ZNF763: variants seen among roughly 807,000 people sequenced by gnomAD.
The protein encoded by ZNF763 is DNA-binding protein.
A neutral mutation model predicts 38.0 loss-of-function variants in ZNF763; 33 were observed. The ratio of observed to expected loss-of-function variants is 0.87; its 90% confidence interval spans 0.66 to 1.16. The LOEUF is 1.16. ZNF763 is among the 50% of genes most tolerant of loss of function. The probability of loss-of-function intolerance (pLI) is 0.00; values close to 1 mark genes in which losing one functional copy is unlikely to be tolerated. For missense variants in ZNF763, 423 were observed against 469.1 expected (o/e 0.90, Z 0.91); for synonymous variants, 155 against 160.1 (o/e 0.97, Z 0.24).
intron 1 of ZNF763, among the ~76,000 whole-genome samples, chr19:11,966,085 G>T (rs1436048253): frequency 6.6e-6 from 1 of 152,188 alleles, no homozygotes; most frequent in African/African-American, 2.4e-5. Context: ...CCTGTTTCTC[G>T]AGATTTTATG....
chr19:11,977,334 A>G (rs1159702835), intron 2 of ZNF763, 37 bp from the exon 3 acceptor site: 2 of 1,610,066 alleles, frequency 1.2e-6, no homozygotes, highest in Non-Finnish European at 1.7e-6. Flanking sequence ...ACAGTTTTAT[A>G]TTGCTTCAGG....
In ZNF763 at chr19:11,977,184, T is replaced by G. The variant is rs762555379; in HGVS notation, c.130+20T>G. On this transcript the variant is annotated intron_variant, in intron 2 of 3. Transcript: ENST00000358987. ...CTATAGGTAAGGATGACAATATTCC[T>G]TCCCTCAGTCCATTAGTGAACCAGT... 2 of 1,613,684 alleles carry G rather than the reference T, an allele frequency of 1.2e-6. No individual in the cohort carries two copies. Among genetic ancestry groups the G allele is most frequent in the Non-Finnish European group, 8.5e-7 (1 of 1,179,852 alleles).
In ZNF763 at chr19:11,978,654, C is replaced by A; in HGVS notation, c.730C>A (p.Arg244=). 6.2e-7 allele frequency: 1 copy of A among 1,614,030 alleles called. No homozygotes were observed. The highest frequency in any genetic ancestry group is 8.5e-7 in the Non-Finnish European group (1 of 1,179,978). ...VKSFSYSATH[R]IHERTHTGEK... is the part of the protein sequence containing the mutation. Reference sequence around the variant, plus strand: ...ATCCTTTAGTTATTCTGCTACCCATCGAATACATGAAAGAACTCACACTGG... The same window carrying A: ...ATCCTTTAGTTATTCTGCTACCCATAGAATACATGAAAGAACTCACACTGG... Residue 244 remains arginine, a synonymous_variant, in exon 4 of 4, where the codon CGA becomes AGA. Transcript: ENST00000358987.
At chr19:11,966,028 G>T (rs1973221768) in intron 1 of ZNF763, among the ~76,000 whole-genome samples, 1 of 152,156 alleles carries the variant, frequency 6.6e-6, no homozygotes, top group Non-Finnish European at 1.5e-5. Flanking sequence ...GCTGAAGGAA[G>T]GGGGTCTGTT....
chr19:11,969,144 G>A (rs369304372), intron 1 of ZNF763, among the ~76,000 whole-genome samples: 5 of 152,122 alleles, frequency 3.3e-5, no homozygotes, highest in Admixed American at 2.6e-4. Context: ...TCACTCTGTC[G>A]GCTAGGCTGG....
intron 1 of ZNF763, among the ~76,000 whole-genome samples, chr19:11,974,155 TTTCCTTCC>T (rs1228736086): frequency 6.9e-5 from 8 of 115,740 alleles, no homozygotes; most frequent in African/African-American, 1.4e-4. Context: ...TCTTTCTTTC[TTTCCTTCC>T]TTCCTTCCTT....
At chr19:11,973,449 A>C (rs1353513201) in intron 1 of ZNF763, among the ~76,000 whole-genome samples, 1 of 152,158 alleles carries the variant, frequency 6.6e-6, no homozygotes, top group Non-Finnish European at 1.5e-5. Context: ...TCCTCAGCTC[A>C]GGTGATTCTC....
At chr19:11,968,512 G>A (rs1290613904) in intron 1 of ZNF763, among the ~76,000 whole-genome samples, 1 of 152,162 alleles carries the variant, frequency 6.6e-6, no homozygotes, top group Non-Finnish European at 1.5e-5. Context: ...AAAGTGCTGG[G>A]ATTATAGACA....
chr19:11,975,365 C>T (rs1391430412), intron 1 of ZNF763, among the ~76,000 whole-genome samples: 2 of 151,864 alleles, frequency 1.3e-5, no homozygotes, highest in South Asian at 2.1e-4. Flanking sequence ...TGAGCCACTG[C>T]ACCCGGCCAA....
chr19:11,969,651 C>T (rs1973309330), intron 1 of ZNF763, among the ~76,000 whole-genome samples: 1 of 152,198 alleles, frequency 6.6e-6, no homozygotes, highest in Non-Finnish European at 1.5e-5. Context: ...TTTCCCCTTA[C>T]ATTTTCCAAA....
At chr19:11,967,529 C>G (rs936429007) in intron 1 of ZNF763, among the ~76,000 whole-genome samples, 1 of 151,912 alleles carries the variant, frequency 6.6e-6, no homozygotes, top group African/African-American at 2.4e-5. Flanking sequence ...CTCAGCCTCC[C>G]GAGTAGCTGG....
chr19:11,974,074 TTTCTTTCTTTC>T (rs1169983137), intron 1 of ZNF763, among the ~76,000 whole-genome samples: 4 of 56,888 alleles, frequency 7.0e-5, no homozygotes, highest in Admixed American at 1.8e-4. Context: ...CTTTCTTTTC[TTTCTTTCTTTC>T]TTTCTTTCTT....
Position 11,980,010 on chromosome 19 carries a change from T to C in ZNF763, c.*901T>C, listed in dbSNP as rs1973586904. 8.8e-7 allele frequency: 1 copy of C among 1,137,102 alleles called. No homozygotes were observed. Among genetic ancestry groups the C allele is most frequent in the East Asian group, 2.7e-5 (1 of 37,034 alleles). The allele number at this position is 1,137,102 out of a possible 1,614,324, so 70.4% of individuals were successfully genotyped here. A position where few individuals can be genotyped will look rare whatever the true frequency, so the allele number is the denominator to read the frequency against. On this transcript the variant is annotated 3_prime_UTR_variant, in exon 4 of 4. Transcript: ENST00000358987. ...TGTAAGCAATGTGGGAAAGCCTTTA[T>C]TTCTTTCACTTCTTTTCGATAACAT... is the stretch of plus-strand genomic sequence containing the variant.
chr19:11,970,669 G>A (rs28396304), intron 1 of ZNF763, among the ~76,000 whole-genome samples: 3 of 152,060 alleles, frequency 2.0e-5, no homozygotes, highest in African/African-American at 7.2e-5. Flanking sequence ...TCCAGAGCAG[G>A]TGCAGTGGCT....
At chr19:11,971,059 G>C (rs968435653) in intron 1 of ZNF763, among the ~76,000 whole-genome samples, 12 of 152,316 alleles carry the variant, frequency 7.9e-5, no homozygotes, top group African/African-American at 2.9e-4. Flanking sequence ...CAAAGCTGCA[G>C]TGTATAGTAG....
intron 1 of ZNF763, among the ~76,000 whole-genome samples, chr19:11,974,138 C>CTCTCTTTCT (rs1778892196): frequency 2.7e-5 from 3 of 109,288 alleles, no homozygotes; most frequent in African/African-American, 1.3e-4. Flanking sequence ...TTCTTTCTTT[C>CTCTCTTTCT]TTTCTTTCTT....
In ZNF763 at chr19:11,965,332, C is replaced by T. The variant is rs1973202724; in HGVS notation, c.3+121C>T. ...ACTCCAGGGTCTGGGACCGAGTCCTCCTGGAGCTGCTCGGCCCTCGGTCCC... is the reference window on the plus strand; with the variant it reads ...ACTCCAGGGTCTGGGACCGAGTCCTTCTGGAGCTGCTCGGCCCTCGGTCCC... On this transcript the variant is annotated intron_variant, in intron 1 of 3. Transcript: ENST00000358987. 3.6e-6 allele frequency: 5 copies of T among 1,391,504 alleles called. 1 individual carries two copies. In the South Asian group the frequency reaches 4.9e-5, roughly 14 times the overall value. 86.2% of individuals were successfully genotyped at this position (1,391,504 alleles called of 1,614,324 possible).
At position 11,979,460 on chromosome 19, in the gene ZNF763, A is replaced by G; in HGVS notation, c.*351A>G. On this transcript the variant is annotated 3_prime_UTR_variant, in exon 4 of 4. Coordinates refer to ENST00000358987, the MANE Select transcript of ZNF763 (RefSeq NM_001367172.2). Reference sequence around the variant, plus strand: ...AATACACTCTGGAGAAAGACCTTATAAATGTAAGACATGTGGGAAAGGCTT... The same window carrying G: ...AATACACTCTGGAGAAAGACCTTATGAATGTAAGACATGTGGGAAAGGCTT... 6.2e-7 allele frequency: 1 copy of G among 1,606,208 alleles called. No homozygotes were observed. The highest frequency in any genetic ancestry group is 8.5e-7 in the Non-Finnish European group (1 of 1,174,658).
rs765657809 is a variant in ZNF763 at position 11,979,003 on chromosome 19, G to C, written c.1079G>C (p.Arg360Thr). ...CCCAGTTCCCTTCGTAGACATGAAA[G>C]GACCCACTCTGCGAAAAAACCTTAT... ...TYPSSLRRHE[R>T]THSAKKPYEC... The change falls in exon 4 of 4, where the codon AGG becomes ACG. Residue 360 changes from arginine to threonine, a missense_variant. Physicochemically the swap from Arg to Thr is moderately conservative, Grantham distance 71. Coordinates refer to ENST00000358987, the MANE Select transcript of ZNF763 (RefSeq NM_001367172.2). 3 of 1,614,100 alleles carry C rather than the reference G, an allele frequency of 1.9e-6. No individual in the cohort carries two copies. The highest frequency in any genetic ancestry group is 1.7e-5 in the Admixed American group (1 of 60,000).
Sources: allele counts gnomAD v4.1 joint callset (sites outside exome capture counted in the v4.1 genomes callset), GRCh38; gene constraint gnomAD v4.1.1; transcripts MANE v1.5; gene names NCBI Gene and HGNC (gene_info 2026-07-23, HGNC 2026-07-21).